The following GRHL2 variants were observed in gnomAD, a reference collection of about 807,000 sequenced individuals.
GRHL2 encodes the protein grainyhead-like protein 2 homolog.
Under a neutral mutation model 83.8 loss-of-function variants are expected in GRHL2, and 21 were observed. That is an observed-to-expected ratio of 0.25 (90% confidence interval 0.18 to 0.36). GRHL2 has a LOEUF of 0.36. Ranked by LOEUF, GRHL2 falls within the 10% of genes least tolerant of loss-of-function variation. The pLI is 1.00. For missense variants in GRHL2, 623 were observed against 781.8 expected, an observed-to-expected ratio of 0.80 and a Z score of 2.42; for synonymous variants, 280 against 278.9, an observed-to-expected ratio of 1.00 and a Z score of -0.04.
At chr8:101,570,815 T>G (rs58824748) in intron 5 of GRHL2, among the ~76,000 whole-genome samples, 8,170 of 152,314 alleles carry the variant, frequency 0.054, 332 homozygotes, top group East Asian at 0.18. Context: ...GTAAAGGATC[T>G]GGCTTCTTTC....
At chr8:101,601,194 C>A (rs1380949314) in intron 8 of GRHL2, among the ~76,000 whole-genome samples, 1 of 135,952 alleles carries the variant, frequency 7.4e-6, no homozygotes, top group Non-Finnish European at 1.5e-5. Flanking sequence ...ACACACCCCA[C>A]CACCACCACC....
At chr8:101,621,716 C>T (rs1041635799) in intron 9 of GRHL2, among the ~76,000 whole-genome samples, 9 of 151,998 alleles carry the variant, frequency 5.9e-5, no homozygotes, top group South Asian at 4.2e-4. Context: ...GGCAACAAAG[C>T]GAGACCCCTG....
intron 12 of GRHL2, among the ~76,000 whole-genome samples, chr8:101,642,203 C>G (rs1813416144): frequency 6.6e-6 from 1 of 152,116 alleles, no homozygotes; most frequent in East Asian, 1.9e-4. Context: ...GAATTTGAGC[C>G]ACATAAACTT....
At chr8:101,576,427 C>T in intron 6 of GRHL2, among the ~76,000 whole-genome samples, 1 of 152,048 alleles carries the variant, frequency 6.6e-6, no homozygotes, top group East Asian at 1.9e-4. Flanking sequence ...ACTATGTTCC[C>T]CAGGCTGGTC....
At chr8:101,547,799 A>T (rs552450737) in intron 2 of GRHL2, among the ~76,000 whole-genome samples, 20 of 152,298 alleles carry the variant, frequency 1.3e-4, no homozygotes, top group Admixed American at 3.3e-4. Flanking sequence ...TTTATTTTTT[A>T]AAATCCAAAT....
chr8:101,624,106 A>G, intron 9 of GRHL2, among the ~76,000 whole-genome samples: 1 of 151,468 alleles, frequency 6.6e-6, no homozygotes, highest in African/African-American at 2.4e-5. Context: ...AGGACAGTTT[A>G]CAGTACACAG....
At chr8:101,657,501 A>G (rs1813818759) in intron 14 of GRHL2, among the ~76,000 whole-genome samples, 1 of 152,200 alleles carries the variant, frequency 6.6e-6, no homozygotes, top group East Asian at 1.9e-4. Context: ...TTTTTATAAA[A>G]TGCACTTTTT....
Position 101,604,400 on chromosome 8 carries a change from G to T in GRHL2, c.1098+5249G>T, listed in dbSNP as rs77979419. On this transcript the variant is annotated intron_variant, in intron 8 of 15. Coordinates refer to ENST00000646743, the MANE Select transcript of GRHL2 (RefSeq NM_024915.4). ...TAATTACAGGCTTCCTTTCCTCCTAGATTTCTAAGGAGAGTCTTGAAACTG... is the reference window on the plus strand; with the variant it reads ...TAATTACAGGCTTCCTTTCCTCCTATATTTCTAAGGAGAGTCTTGAAACTG... Among the ~76,000 whole-genome samples the T allele has an allele frequency of 7.1e-3, 1,088 of 152,178 alleles. 17 individuals are homozygous for T. Among genetic ancestry groups the T allele is most frequent in the African/African-American group, 0.025 (1,028 of 41,522 alleles).
intron 2 of GRHL2, among the ~76,000 whole-genome samples, chr8:101,544,598 C>G (rs1038860070): frequency 7.2e-5 from 11 of 152,106 alleles, no homozygotes; most frequent in African/African-American, 2.7e-4. Context: ...TTGTAAACAC[C>G]TTTGGCTGAT....
At chr8:101,645,058 A>G (rs1388830859) in intron 13 of GRHL2, among the ~76,000 whole-genome samples, 1 of 150,352 alleles carries the variant, frequency 6.7e-6, no homozygotes, top group East Asian at 2.0e-4. Flanking sequence ...TATGTTGCCC[A>G]GGTCTCAAAC....
intron 14 of GRHL2, among the ~76,000 whole-genome samples, chr8:101,653,105 A>G (rs1192831858): frequency 1.3e-5 from 2 of 152,216 alleles, no homozygotes; most frequent in African/African-American, 4.8e-5. Context: ...GCCCAGAGGC[A>G]AAAAGCTGCT....
Position 101,636,942 on chromosome 8 carries a change from T to G in GRHL2, c.1517+14T>G. The G allele has an allele frequency of 6.2e-7, 1 of 1,612,074 alleles. No individual in the cohort carries two copies. Among genetic ancestry groups the G allele is most frequent in the Non-Finnish European group, 8.5e-7 (1 of 1,178,164 alleles). On this transcript the variant is annotated intron_variant, in intron 12 of 15. Coordinates refer to ENST00000646743, the MANE Select transcript of GRHL2 (RefSeq NM_024915.4). ...TGAACGAGAAGGGTAAGACACTCAG[T>G]TCTTTCATTTCAACACTCCAAGTCA...
chr8:101,510,730 G>T (rs1341665272), intron 1 of GRHL2, among the ~76,000 whole-genome samples: 1 of 151,994 alleles, frequency 6.6e-6, no homozygotes, highest in African/African-American at 2.4e-5. Context: ...AATTTTTGTG[G>T]ATATTCTTCC....
chr8:101,632,347 C>T lies in GRHL2; in HGVS notation c.1467C>T (p.Asn489=), dbSNP rs753669204. The T allele has an allele frequency of 1.5e-5, 25 of 1,613,960 alleles. No individual in the cohort carries two copies. In the Admixed American group the frequency reaches 4.2e-4, roughly 27 times the overall value. The change falls in exon 11 of 16, where the codon AAC becomes AAT. Residue 489 remains asparagine (N), a synonymous_variant. Coordinates refer to ENST00000646743, the MANE Select transcript of GRHL2 (RefSeq NM_024915.4). ...TCATACCTGATGTTCACTTTGCAAA[C>T]CTGCAGAGGACCGGACAGGTATGAC... The part of the protein sequence containing the change: ...VLFIPDVHFA[N]LQRTGQVYYN...
Position 101,667,030 on chromosome 8 carries a change from T to C in GRHL2, c.*327T>C, listed in dbSNP as rs1027717920. 36 of 434,810 alleles carry C rather than the reference T, an allele frequency of 8.3e-5. No individual in the cohort carries two copies. The highest frequency in any genetic ancestry group is 1.3e-4 in the Non-Finnish European group (31 of 234,442). The allele number at this position is 434,810 out of a possible 1,614,324, so 26.9% of individuals were successfully genotyped here. A position where few individuals can be genotyped will look rare whatever the true frequency, so the allele number is the denominator to read the frequency against. On this transcript the variant is annotated 3_prime_UTR_variant, in exon 16 of 16. Coordinates refer to ENST00000646743, the MANE Select transcript of GRHL2 (RefSeq NM_024915.4). Reference sequence around the variant, plus strand: ...TCACTGCTAGCTCCAGATGAGACCGTCCAGCGTTCCCCCTTCAAGAGAAAC... The same window carrying C: ...TCACTGCTAGCTCCAGATGAGACCGCCCAGCGTTCCCCCTTCAAGAGAAAC...
At chr8:101,622,541 G>A (rs186573097) in intron 9 of GRHL2, among the ~76,000 whole-genome samples, 38 of 152,262 alleles carry the variant, frequency 2.5e-4, no homozygotes, top group Admixed American at 9.8e-4. Flanking sequence ...GGGAAGGATA[G>A]GAGGGGTATA....
chr8:101,562,228 T>C (rs1338152467), intron 4 of GRHL2: 1 of 608,050 alleles, frequency 1.6e-6, no homozygotes, highest in South Asian at 1.5e-5. Flanking sequence ...TCAATACTTT[T>C]ATTCCATAGC....
At chr8:101,529,303 T>A (rs1810871396) in intron 1 of GRHL2, 2 of 200,020 alleles carry the variant, frequency 1.0e-5, no homozygotes, top group Admixed American at 6.0e-5. Flanking sequence ...CATGGTGGCA[T>A]GTGCTTGTAG....
chr8:101,680,314 C>A, the GRHL2 span, among the ~76,000 whole-genome samples: 9,168 of 88,944 alleles, frequency 0.1, no homozygotes, highest in Non-Finnish European at 0.12. Flanking sequence ...CAACAAACAT[C>A]AAAAGAGACA....
Sources: allele counts gnomAD v4.1 joint callset (sites outside exome capture counted in the v4.1 genomes callset), GRCh38; gene constraint gnomAD v4.1.1; transcripts MANE v1.5; gene names NCBI Gene and HGNC (gene_info 2026-07-23, HGNC 2026-07-21).